The following PCMT1 variants were observed in gnomAD, a reference collection of about 807,000 sequenced individuals.
PCMT1 encodes protein-L-isoaspartate(D-aspartate) O-methyltransferase.
PCMT1 carries 9 observed loss-of-function variants against 29.2 expected under a neutral mutation model. The ratio of observed to expected loss-of-function variants is 0.31; its 90% CI spans 0.19 to 0.54. The LOEUF (loss-of-function observed/expected upper bound fraction) is 0.54. Among genes scored for constraint, PCMT1 ranks in the 20% least tolerant of loss-of-function variants. The pLI is 0.95. For synonymous variants in PCMT1, 98 were observed against 97.5 expected (o/e 1.00, Z -0.03); for missense variants, 184 against 282.2 (o/e 0.65, Z 2.49).
At position 149,811,066 on chromosome 6, in the gene PCMT1, G is replaced by C. The variant is rs1013322090; in HGVS notation, c.*488G>C. 1 of 154,920 alleles carries C rather than the reference G, an allele frequency of 6.5e-6. No homozygotes were observed. Among genetic ancestry groups the C allele is most frequent in the Non-Finnish European group, 1.4e-5 (1 of 70,008 alleles). The allele number at this position is 154,920 out of a possible 1,614,324, so 9.6% of individuals were successfully genotyped here. ...TTGGATATCTGTTAGATGCTACTAA[G>C]AAAATAGAGATGAGCTTTCTTTTTA... On this transcript the variant is annotated 3_prime_UTR_variant, in exon 8 of 8. Transcript: ENST00000464889.
chr6:149,789,745 G>A (rs909389514), intron 3 of PCMT1, among the ~76,000 whole-genome samples: 64 of 151,978 alleles, frequency 4.2e-4, no homozygotes, highest in African/African-American at 1.5e-3. Context: ...TCACACACTG[G>A]AGGTCTAAAA....
intron 1 of PCMT1, among the ~76,000 whole-genome samples, chr6:149,763,210 GATATCTATGATATAA>G (rs1242662921): frequency 1.6e-5 from 1 of 63,644 alleles, no homozygotes; most frequent in Admixed American, 2.2e-4. Context: ...ATATATCTAT[GATATCTATGATATAA>G]ATATCTATGA....
intron 2 of PCMT1, 86 bp from the exon 3 acceptor site, chr6:149,773,052 T>C: frequency 3.6e-6 from 3 of 837,188 alleles, no homozygotes; most frequent in Non-Finnish European, 3.7e-6. Context: ...TTGTGAAAAA[T>C]AACGTATGGA....
intron 6 of PCMT1, chr6:149,796,707 G>A (rs568205312): frequency 2.8e-5 from 12 of 431,896 alleles, no homozygotes; most frequent in Admixed American, 2.0e-4. Flanking sequence ...AGTTTGTGGC[G>A]CTCATATTTG....
chr6:149,789,165 G>A (rs1387286166), intron 3 of PCMT1, among the ~76,000 whole-genome samples: 1 of 143,150 alleles, frequency 7.0e-6, no homozygotes, highest in Non-Finnish European at 1.5e-5. Context: ...CAATCTCCCC[G>A]TCCCGGGTTC....
At chr6:149,786,479 G>A (rs1462484264) in intron 3 of PCMT1, among the ~76,000 whole-genome samples, 4 of 142,324 alleles carry the variant, frequency 2.8e-5, no homozygotes, top group South Asian at 2.3e-4. Flanking sequence ...CTTCCCAGAC[G>A]GGGTGGCTGC....
In PCMT1 at chr6:149,760,767, G is replaced by A. The variant is rs527884787; in HGVS notation, c.56-10395G>A. Among the ~76,000 whole-genome samples, 6 of 152,230 alleles carry A rather than the reference G, an allele frequency of 3.9e-5. No individual in the cohort carries two copies. The South Asian group carries it at 8.3e-4, about 21-fold the overall frequency. ...CTTGGGAGGCTGAGGCAGGACAATC[G>A]CTTGAACCAGGGAGTCGGAGGTTGC... On this transcript the variant is annotated intron_variant, in intron 1 of 7. Coordinates refer to ENST00000464889, the MANE Select transcript of PCMT1 (RefSeq NM_001360452.2).
chr6:149,758,185 A>ATT (rs58659986), intron 1 of PCMT1, among the ~76,000 whole-genome samples: 10,492 of 92,320 alleles, frequency 0.11, 954 homozygotes, highest in East Asian at 0.24. Flanking sequence ...CGCCCAACCA[A>ATT]TTTTTTTTTT....
At chr6:149,807,572 T>G (rs1209078966) in intron 7 of PCMT1, among the ~76,000 whole-genome samples, 1 of 152,144 alleles carries the variant, frequency 6.6e-6, no homozygotes, top group Non-Finnish European at 1.5e-5. Flanking sequence ...GGTTTCACTG[T>G]GTTGACCAGG....
chr6:149,772,115 C>T (rs1303101601), intron 2 of PCMT1: 3 of 456,590 alleles, frequency 6.6e-6, no homozygotes, highest in Non-Finnish European at 1.3e-5. Context: ...AGGATTCTGT[C>T]AGTCGGCTGC....
intron 4 of PCMT1, 51 bp from the exon 5 acceptor site, chr6:149,793,498 A>G: frequency 2.9e-6 from 4 of 1,381,674 alleles, no homozygotes; most frequent in East Asian, 2.7e-5. Context: ...ATAATACTTT[A>G]GAAAAACAAA....
At chr6:149,749,988 C>G (rs745887878) in intron 1 of PCMT1, 32 bp downstream of exon 1, 2 of 1,588,704 alleles carry the variant, frequency 1.3e-6, no homozygotes, top group East Asian at 2.3e-5. Context: ...TGTAGGGCAG[C>G]TGGGGCAGGC....
intron 3 of PCMT1, among the ~76,000 whole-genome samples, chr6:149,773,945 T>G (rs1172249873): frequency 1.3e-5 from 2 of 152,196 alleles, no homozygotes; most frequent in East Asian, 3.8e-4. Context: ...CTTTGAGTGA[T>G]CTAGCAGTTT....
At chr6:149,750,706 C>CT (rs1345994779) in intron 1 of PCMT1, among the ~76,000 whole-genome samples, 2 of 152,202 alleles carry the variant, frequency 1.3e-5, no homozygotes, top group Non-Finnish European at 2.9e-5. Flanking sequence ...CTTTAAAAAC[C>CT]TTATGTGGAG....
At chr6:149,795,298 G>T (rs77833179) in intron 5 of PCMT1, 230 of 393,178 alleles carry the variant, frequency 5.8e-4, no homozygotes, top group African/African-American at 4.9e-3. Context: ...TTCTCCAAAA[G>T]CCTCTCCAGA....
intron 1 of PCMT1, among the ~76,000 whole-genome samples, chr6:149,759,111 G>A (rs576505530): frequency 3.3e-5 from 5 of 152,120 alleles, no homozygotes; most frequent in South Asian, 2.1e-4. Context: ...TCTTGACCTC[G>A]TGATCTGCCC....
intron 5 of PCMT1, among the ~76,000 whole-genome samples, chr6:149,794,218 A>G (rs758138274): frequency 6.6e-6 from 1 of 152,022 alleles, no homozygotes; most frequent in Non-Finnish European, 1.5e-5. Flanking sequence ...TAGGTTTTTG[A>G]TCTTCCTGAT....
chr6:149,762,326 T>G (rs1309066280), intron 1 of PCMT1, among the ~76,000 whole-genome samples: 2 of 151,584 alleles, frequency 1.3e-5, no homozygotes, highest in African/African-American at 4.8e-5. Context: ...ATGAGGGTCT[T>G]TAGACCCTAG....
intron 1 of PCMT1, among the ~76,000 whole-genome samples, chr6:149,762,912 GATAT>G (rs1175911342): frequency 2.0e-5 from 1 of 48,820 alleles, no homozygotes; most frequent in Non-Finnish European, 2.8e-5. Context: ...ATATATCTAT[GATAT>G]ATATATCTAT....
Sources: gnomAD v4.1 joint callset for allele counts (sites outside exome capture counted in the v4.1 genomes callset) on GRCh38, gnomAD v4.1.1 for gene constraint, MANE v1.5 for transcripts, NCBI Gene and HGNC (gene_info 2026-07-23, HGNC 2026-07-21) for gene names.